Variants in PRIMPOL observed in about 807,000 individuals in gnomAD.
The protein encoded by PRIMPOL is primase and DNA directed polymerase.
In PRIMPOL, 54 loss-of-function variants were observed where a neutral mutation model predicts 63.6. That is an observed-to-expected ratio of 0.85 (90% CI 0.68 to 1.07). The LOEUF (loss-of-function observed/expected upper bound fraction) is 1.07. Ranked by LOEUF, PRIMPOL falls within the 50% of genes least tolerant of loss-of-function variation. PRIMPOL has a pLI of 0.00. For synonymous variants in PRIMPOL, 197 were observed against 220.2 expected (o/e 0.89, Z 0.93); for missense variants, 610 against 648.3 (o/e 0.94, Z 0.64).
chr4:184,678,525 C>CTTTTT (rs767532493), intron 8 of PRIMPOL, 131 bp downstream of exon 8: 11 of 338,676 alleles, frequency 3.2e-5, no homozygotes, highest in East Asian at 7.0e-5. Flanking sequence ...TCTTACAGCT[C>CTTTTT]TTTTTTTTTT....
chr4:184,650,957 T>C (rs1290851526), intron 1 of PRIMPOL, among the ~76,000 whole-genome samples: 12 of 151,986 alleles, frequency 7.9e-5, no homozygotes, highest in Admixed American at 7.9e-4. Context: ...GGAATTCCAA[T>C]TTAAAGAGGA....
In PRIMPOL at chr4:184,691,554, T is replaced by C; in HGVS notation, c.1351T>C (p.Cys451Arg). 3 of 1,609,326 alleles carry C rather than the reference T, an allele frequency of 1.9e-6. No homozygotes were observed. Among genetic ancestry groups the C allele is most frequent in the South Asian group, 1.1e-5 (1 of 90,862 alleles). ...GTATCAAAAATGTCATGACCCTGTA[T>C]GTAAAGCAGAAAACTTCAAATCTGA... ...VWYQKCHDPVCKAENFKSDCF... is the reference protein window; with the variant it reads ...VWYQKCHDPVRKAENFKSDCF... Residue 451 changes from cysteine to arginine, a missense_variant, in exon 12 of 14, where the codon TGT (cysteine) becomes CGT (arginine). Cys to Arg is a radical substitution (Grantham distance 180, BLOSUM62 -3). Coordinates refer to ENST00000314970, the MANE Select transcript of PRIMPOL (RefSeq NM_152683.4).
rs373711589 is a variant in PRIMPOL, at chr4:184,682,384, T to G, written c.1096+48T>G. ...TTCTTTTTGAGACAGCATCTCTCAT[T>G]GTCACCCAGGCTGGAGTGCAGTGGT... On this transcript the variant is annotated intron_variant, in intron 9 of 13. Transcript: ENST00000314970. 9 of 1,048,154 alleles carry G rather than the reference T, an allele frequency of 8.6e-6. No homozygotes were observed. In the African/African-American group the frequency reaches 1.4e-4, roughly 16 times the overall value. The allele number at this position is 1,048,154 out of a possible 1,614,324, so 64.9% of individuals were successfully genotyped here.
At position 184,657,185 on chromosome 4, in the gene PRIMPOL, A is replaced by C; in HGVS notation, c.45A>C (p.Arg15=). 1.9e-6 allele frequency: 3 copies of C among 1,611,844 alleles called. No individual in the cohort carries two copies. The highest frequency in any genetic ancestry group is 2.5e-6 in the Non-Finnish European group (3 of 1,179,238). The change falls in exon 3 of 14, where the codon CGA becomes CGC. Residue 15 remains arginine, a synonymous_variant. Coordinates refer to ENST00000314970, the MANE Select transcript of PRIMPOL (RefSeq NM_152683.4). The part of the protein sequence containing the change: ...WEAKLKQIEE[R]ASHYERKPLS... ...CAAAACTGAAGCAAATTGAAGAACG[A>C]GCATCTCATTATGAGAGGAAACCGT...
rs931470209 is a variant in PRIMPOL at position 184,694,318 on chromosome 4, G to A, written c.1426-204G>A. Reference sequence around the variant, plus strand: ...GGTAATTTCAAATTTGGAGTTTCAAGTGTGTCTGAGCTTCAGTGCAGCAAC... The same window carrying A: ...GGTAATTTCAAATTTGGAGTTTCAAATGTGTCTGAGCTTCAGTGCAGCAAC... On this transcript the variant is annotated intron_variant, in intron 13 of 13. Coordinates refer to ENST00000314970, the MANE Select transcript of PRIMPOL (RefSeq NM_152683.4). 5 of 1,333,996 alleles carry A rather than the reference G, an allele frequency of 3.7e-6. No homozygotes were observed. In the African/African-American group the frequency reaches 7.3e-5, roughly 20 times the overall value. 82.6% of individuals were successfully genotyped at this position (1,333,996 alleles called of 1,614,324 possible).
chr4:184,671,944 G>GCA (rs2150091252), intron 6 of PRIMPOL, among the ~76,000 whole-genome samples: 1 of 152,052 alleles, frequency 6.6e-6, no homozygotes, highest in Admixed American at 6.5e-5. Context: ...GTTTCACCGT[G>GCA]TTAACCAGGA....
intron 8 of PRIMPOL, 129 bp downstream of exon 8, chr4:184,678,523 CTCTTT>C: frequency 1.9e-6 from 1 of 539,096 alleles, no homozygotes; most frequent in Non-Finnish European, 3.0e-6. Context: ...GTTCTTACAG[CTCTTT>C]TTTTTTTTTT....
chr4:184,661,896 T>A lies in PRIMPOL; in HGVS notation c.401T>A (p.Leu134His). Residue 134 changes from leucine to histidine, a missense_variant, in exon 5 of 14, where the codon CTC becomes CAC. Physicochemically the swap from Leu to His is moderately conservative, Grantham distance 99. Transcript: ENST00000314970. Reference protein sequence around the residue: ...GADGKKMVALLIEYVCKALQE... With the variant: ...GADGKKMVALHIEYVCKALQE... ...GATGGGAAAAAGATGGTTGCATTAC[T>A]CATTGAGGTAAATGGCCAACTCAAG... 6.2e-7 allele frequency: 1 copy of A among 1,610,362 alleles called. No individual in the cohort carries two copies. The highest frequency in any genetic ancestry group is 8.5e-7 in the Non-Finnish European group (1 of 1,178,500).
Position 184,691,598 on chromosome 4 carries a change from T to C in PRIMPOL, c.1378+17T>C. 6.2e-7 allele frequency: 1 copy of C among 1,603,836 alleles called. No individual in the cohort carries two copies. Among genetic ancestry groups the C allele is most frequent in the Non-Finnish European group, 8.5e-7 (1 of 1,171,396 alleles). On this transcript the variant is annotated intron_variant, in intron 12 of 13. Transcript: ENST00000314970. ...AATCTGACTGTAAGTTACTAATTTT[T>C]ACATTTACCACAAAGTAAAAATTAG... is the stretch of plus-strand genomic sequence containing the variant.
rs1003969658 is a variant in PRIMPOL at position 184,685,885 on chromosome 4, T to C, written c.1295+201T>C. Among the ~76,000 whole-genome samples the C allele has an allele frequency of 7.9e-5, 12 of 152,164 alleles. No homozygotes were observed. The East Asian group carries it at 2.3e-3, about 29-fold the overall frequency. On this transcript the variant is annotated intron_variant, in intron 11 of 13. Transcript: ENST00000314970. ...GGCGCGATCGCGGCTCAGTGCAACC[T>C]CCGCCTCCTGGGTTCTAGCAATTCT...
At chr4:184,652,971 A>AGG (rs1745070865) in intron 2 of PRIMPOL, among the ~76,000 whole-genome samples, 1 of 7,910 alleles carries the variant, frequency 1.3e-4, no homozygotes, top group Non-Finnish European at 7.2e-4. Flanking sequence ...AAGGGAAAGA[A>AGG]GAGGGAGGGA....
At chr4:184,687,925 A>G (rs946320180) in intron 11 of PRIMPOL, among the ~76,000 whole-genome samples, 3 of 152,156 alleles carry the variant, frequency 2.0e-5, no homozygotes, top group Non-Finnish European at 2.9e-5. Context: ...CATAAACAAT[A>G]TAGTGTTTTC....
chr4:184,689,516 A>G (rs1355416019), intron 11 of PRIMPOL, among the ~76,000 whole-genome samples: 1 of 133,448 alleles, frequency 7.5e-6, no homozygotes, highest in African/African-American at 2.9e-5. Flanking sequence ...GCAGTGGTGC[A>G]ATCTCGGCTC....
chr4:184,668,426 C>T (rs897406750), intron 6 of PRIMPOL, among the ~76,000 whole-genome samples: 1 of 152,258 alleles, frequency 6.6e-6, no homozygotes, highest in African/African-American at 2.4e-5. Flanking sequence ...TTATTCGCTG[C>T]CTTCAGGCAA....
chr4:184,673,430 C>CTTT (rs60728743), intron 7 of PRIMPOL, among the ~76,000 whole-genome samples: 6 of 135,860 alleles, frequency 4.4e-5, no homozygotes, highest in African/African-American at 8.3e-5. Flanking sequence ...CGCCCAGCCT[C>CTTT]TTTTTTTTTT....
chr4:184,691,487 T>G lies in PRIMPOL; in HGVS notation c.1296-12T>G. The G allele has an allele frequency of 6.7e-7, 1 of 1,498,740 alleles. No individual in the cohort carries two copies. The highest frequency in any genetic ancestry group is 9.2e-7 in the Non-Finnish European group (1 of 1,092,630). 92.8% of individuals were successfully genotyped at this position (1,498,740 alleles called of 1,614,324 possible). On this transcript the variant is annotated splice_polypyrimidine_tract_variant and intron_variant, in intron 11 of 13. Transcript: ENST00000314970. ...TGGTATTAATACTTTTTTTTTTTTT[T>G]TAAACATAAAGGATTCTGGTTGATC...
At chr4:184,686,691 A>T (rs1757051955) in intron 11 of PRIMPOL, among the ~76,000 whole-genome samples, 1 of 152,162 alleles carries the variant, frequency 6.6e-6, no homozygotes, top group Admixed American at 6.5e-5. Context: ...CAACTCCCGT[A>T]TCCTCAAGCA....
intron 8 of PRIMPOL, among the ~76,000 whole-genome samples, chr4:184,681,094 A>C (rs1755504452): frequency 6.6e-6 from 1 of 152,176 alleles, no homozygotes; most frequent in Non-Finnish European, 1.5e-5. Context: ...TCTTCTACTG[A>C]ATACAGTTAC....
intron 11 of PRIMPOL, among the ~76,000 whole-genome samples, chr4:184,690,234 T>A (rs971483132): frequency 6.6e-6 from 1 of 152,206 alleles, no homozygotes; most frequent in African/African-American, 2.4e-5. Flanking sequence ...CTTAGTTTAT[T>A]TTTATGTAGT....
Sources: allele counts gnomAD v4.1 joint callset (sites outside exome capture counted in the v4.1 genomes callset), GRCh38; gene constraint gnomAD v4.1.1; transcripts MANE v1.5; gene names NCBI Gene and HGNC (gene_info 2026-07-23, HGNC 2026-07-21).